LTBP1: variants seen among roughly 807,000 people sequenced by gnomAD.
LTBP1 encodes the protein latent transforming growth factor beta binding protein 1, also known as latent-transforming growth factor beta-binding protein 1.
Under a neutral mutation model 207.6 loss-of-function variants are expected in LTBP1, and 129 were observed. That is an observed-to-expected ratio of 0.62 (90% CI 0.54 to 0.72). The LOEUF is 0.72. Among genes scored for constraint, LTBP1 ranks in the 30% least tolerant of loss-of-function variants. The pLI, the probability that LTBP1 is intolerant of heterozygous loss-of-function variation, is 0.00. For missense variants in LTBP1, 2,281 were observed against 2,217.2 expected, an observed-to-expected ratio of 1.03 and a Z score of -0.58; for synonymous variants, 963 against 833.7, an observed-to-expected ratio of 1.16 and a Z score of -2.67.
intron 7 of LTBP1, among the ~76,000 whole-genome samples, chr2:33,213,729 A>G (rs1366720497): frequency 6.6e-6 from 1 of 152,204 alleles, no homozygotes; most frequent in Non-Finnish European, 1.5e-5. Context: ...TGAAGGGCAT[A>G]TGTAGAACTT....
In LTBP1 at chr2:33,134,222, C is replaced by T. The variant is rs915375958; in HGVS notation, c.1034-571C>T. On this transcript the variant is annotated intron_variant, in intron 4 of 33. Coordinates refer to ENST00000404816, the MANE Select transcript of LTBP1 (RefSeq NM_206943.4). This position sits in a 1 kb window ranked among gnomAD's most constrained non-coding sequence, Gnocchi z 4.4. Reference sequence around the variant, plus strand: ...AAAAAGAAATGGGCTCCCGCAGCTGCGTCACAGCATTTGATCACTTCAGCC... The same window carrying T: ...AAAAAGAAATGGGCTCCCGCAGCTGTGTCACAGCATTTGATCACTTCAGCC... Among the ~76,000 whole-genome samples the T allele has an allele frequency of 2.6e-5, 4 of 152,314 alleles. No homozygotes were observed. The highest frequency in any genetic ancestry group is 2.9e-5 in the Non-Finnish European group (2 of 68,034).
At chr2:33,242,946 C>T (rs985745060) in intron 9 of LTBP1, among the ~76,000 whole-genome samples, 11 of 152,228 alleles carry the variant, frequency 7.2e-5, no homozygotes, top group African/African-American at 2.4e-4. Context: ...CTGAATTGTA[C>T]CAGCTCTGTT....
At position 33,350,399 on chromosome 2, in the gene LTBP1, C is replaced by G. The variant is rs2094764602; in HGVS notation, c.4000+2889C>G. On this transcript the variant is annotated intron_variant, in intron 26 of 33. Transcript: ENST00000404816. ...TCCAGAAGAGCTTTCCAGTAACTAA[C>G]AAGAGCTAGTCAGCAAAAAGCTGCC... Among the ~76,000 whole-genome samples, 5 of 152,262 alleles carry G rather than the reference C, an allele frequency of 3.3e-5. No individual in the cohort carries two copies. In the South Asian group the frequency reaches 8.3e-4, roughly 25 times the overall value.
At chr2:33,393,334 C>T (rs143750630) in intron 32 of LTBP1, among the ~76,000 whole-genome samples, 3,863 of 145,550 alleles carry the variant, frequency 0.027, 61 homozygotes, top group South Asian at 0.051. Context: ...GGTACATGTG[C>T]ACAACGTGCA....
intron 22 of LTBP1, among the ~76,000 whole-genome samples, chr2:33,308,800 A>G (rs948194008): frequency 1.3e-5 from 2 of 152,162 alleles, no homozygotes; most frequent in African/African-American, 4.8e-5. Flanking sequence ...AAAACTTTTA[A>G]ATTTTTTTCT....
chr2:33,246,473 GCACACGCA>G (rs2092514297), intron 10 of LTBP1, among the ~76,000 whole-genome samples: 3 of 138,366 alleles, frequency 2.2e-5, no homozygotes, highest in African/African-American at 1.0e-4. Flanking sequence ...TCACACACAC[GCACACGCA>G]CACACACACA....
At position 33,186,969 on chromosome 2, in the gene LTBP1, G is replaced by C. The variant is rs118167062; in HGVS notation, c.1315G>C (p.Val439Leu). ...TCAGATCCCAGTCCATGGTGCCAGC[G>C]TGCCTAAACTTTATCAGCATTCCCA... Reference protein sequence around the residue: ...LCQIPVHGASVPKLYQHSQQP... With the variant: ...LCQIPVHGASLPKLYQHSQQP... The change falls in exon 6 of 34, where the codon GTG (valine) becomes CTG (leucine). Residue 439 changes from valine to leucine, a missense_variant. Around this residue, in one of 3 missense-constraint regions of LTBP1, gnomAD observed 1,671 missense variants for 1,634.8 expected, o/e 1.02. Transcript: ENST00000404816. 15 of 1,614,022 alleles carry C rather than the reference G, an allele frequency of 9.3e-6. No homozygotes were observed. The African/African-American group carries it at 1.3e-4, about 14-fold the overall frequency.
chr2:33,125,796 C>T (rs1371494860), intron 4 of LTBP1, among the ~76,000 whole-genome samples: 1 of 149,416 alleles, frequency 6.7e-6, no homozygotes, highest in Non-Finnish European at 1.5e-5. Flanking sequence ...TGCTACTGCA[C>T]TCCAGCCTGG....
At position 33,276,564 on chromosome 2, in the gene LTBP1, A is replaced by T. The variant is rs77386001; in HGVS notation, c.2992+641A>T. ...CTCTGGTTCTTTTTGAAACCAATGT[A>T]GTGAGGCCAGGCACGGTGGCTCACG... On this transcript the variant is annotated intron_variant, in intron 18 of 33. Coordinates refer to ENST00000404816, the MANE Select transcript of LTBP1 (RefSeq NM_206943.4). Among the ~76,000 whole-genome samples the T allele has an allele frequency of 6.4e-4, 97 of 152,344 alleles. 1 individual carries two copies. The East Asian group carries it at 0.017, about 27-fold the overall frequency.
chr2:33,350,846 A>G (rs1451968432), intron 26 of LTBP1, among the ~76,000 whole-genome samples: 1 of 152,190 alleles, frequency 6.6e-6, no homozygotes, highest in Non-Finnish European at 1.5e-5. Flanking sequence ...TAAATATTTA[A>G]TCTTGGCAAC....
intron 8 of LTBP1, among the ~76,000 whole-genome samples, chr2:33,221,497 C>G (rs1297803750): frequency 6.6e-6 from 1 of 152,182 alleles, no homozygotes; most frequent in Non-Finnish European, 1.5e-5. Context: ...TTTGCATATT[C>G]TGAGTGTAGC....
intron 5 of LTBP1, among the ~76,000 whole-genome samples, chr2:33,151,565 C>T (rs956789576): frequency 7.2e-5 from 11 of 152,020 alleles, no homozygotes; most frequent in South Asian, 2.1e-4. Context: ...ACCCATCACC[C>T]GAGCAGCATA....
chr2:33,270,354 C>G (rs2093290220), intron 15 of LTBP1, among the ~76,000 whole-genome samples: 1 of 151,914 alleles, frequency 6.6e-6, no homozygotes, highest in African/African-American at 2.4e-5. Context: ...CTTGGGGAGG[C>G]TGATGTGGGT....
chr2:32,974,198 C>G (rs1478849109), intron 2 of LTBP1, among the ~76,000 whole-genome samples: 1 of 152,158 alleles, frequency 6.6e-6, no homozygotes, highest in Admixed American at 6.6e-5. Context: ...TAGTGTTGTG[C>G]TAATTTACAT....
At chr2:33,304,682 C>T (rs78351736) in intron 22 of LTBP1, among the ~76,000 whole-genome samples, 2,845 of 152,298 alleles carry the variant, frequency 0.019, 49 homozygotes, top group Non-Finnish European at 0.03. Flanking sequence ...TCTTTAATCT[C>T]GTGTCTACCT....
intron 7 of LTBP1, among the ~76,000 whole-genome samples, chr2:33,209,857 C>T (rs1206569182): frequency 6.6e-6 from 1 of 152,106 alleles, no homozygotes; most frequent in African/African-American, 2.4e-5. Context: ...ACATACAGTC[C>T]GTCTCACATG....
In LTBP1 at chr2:33,374,562, C is replaced by T. The variant is rs528281605; in HGVS notation, c.4711+9059C>T. ...AGAGAATATCTATAAAACAGGCAAG[C>T]GTTCCAGTTCTGTGGGACTGAACTC... On this transcript the variant is annotated intron_variant, in intron 31 of 33. Transcript: ENST00000404816. 5.9e-5 allele frequency among the ~76,000 whole-genome samples: 9 copies of T among 152,256 alleles called. No individual in the cohort carries two copies. In the South Asian group the frequency reaches 1.7e-3, roughly 28 times the overall value.
chr2:33,264,838 G>A (rs753213112), intron 15 of LTBP1, among the ~76,000 whole-genome samples: 3 of 152,176 alleles, frequency 2.0e-5, no homozygotes, highest in African/African-American at 4.8e-5. Context: ...GAGCTTTATT[G>A]TGAGGGATTG....
chr2:33,118,176 C>T (rs2080870633), intron 4 of LTBP1, among the ~76,000 whole-genome samples: 1 of 142,048 alleles, frequency 7.0e-6, no homozygotes, highest in Admixed American at 7.3e-5. Context: ...TGGAGACTAC[C>T]TTTAACTTGT....
Sources: gnomAD v4.1 joint callset for allele counts (sites outside exome capture counted in the v4.1 genomes callset) on GRCh38, gnomAD v4.1.1 for gene constraint, gnomAD v4.1.1 regional missense constraint, Gnocchi (gnomAD v3.1) non-coding constraint, MANE v1.5 for transcripts, NCBI Gene and HGNC (gene_info 2026-07-23, HGNC 2026-07-21) for gene names.